The following PTPRG variants were observed in gnomAD, a reference collection of about 807,000 sequenced individuals.
PTPRG encodes receptor-type tyrosine-protein phosphatase gamma.
PTPRG carries 102 observed loss-of-function variants against 165.3 expected under a neutral mutation model. The observed-to-expected ratio is 0.62, with a 90% CI of 0.53 to 0.73. The LOEUF (loss-of-function observed/expected upper bound fraction) is 0.73. PTPRG is among the 30% of genes least tolerant of loss of function. The probability of loss-of-function intolerance (pLI) is 0.00; values close to 1 mark genes in which losing one functional copy is unlikely to be tolerated. For synonymous variants in PTPRG, 675 were observed against 669.5 expected (o/e 1.01, Z -0.13); for missense variants, 1,866 against 1,861.4 (o/e 1.00, Z -0.05).
chr3:61,834,348 G>C (rs565804316), intron 2 of PTPRG, among the ~76,000 whole-genome samples: 1 of 152,218 alleles, frequency 6.6e-6, no homozygotes, highest in East Asian at 1.9e-4. Context: ...TACCCTGGCA[G>C]GGGGTCAGTT....
chr3:61,892,646 T>A (rs1359008974), intron 2 of PTPRG, among the ~76,000 whole-genome samples: 2 of 152,036 alleles, frequency 1.3e-5, no homozygotes, highest in Non-Finnish European at 2.9e-5. Context: ...GAGAAACCCC[T>A]TCTTTACTAA....
intron 4 of PTPRG, among the ~76,000 whole-genome samples, chr3:62,027,811 G>T (rs1216245931): frequency 6.6e-6 from 1 of 152,150 alleles, no homozygotes; most frequent in Non-Finnish European, 1.5e-5. Context: ...CCCAGGAAAT[G>T]TGTGTGTTCG....
At chr3:61,687,676 T>G (rs750059056) in intron 1 of PTPRG, among the ~76,000 whole-genome samples, 22 of 152,266 alleles carry the variant, frequency 1.4e-4, no homozygotes, top group Non-Finnish European at 1.9e-4. Flanking sequence ...TTTGTGGCTT[T>G]GTTGATCATG....
intron 2 of PTPRG, among the ~76,000 whole-genome samples, chr3:61,772,097 T>C (rs2034227362): frequency 6.7e-6 from 1 of 149,404 alleles, no homozygotes; most frequent in Admixed American, 6.7e-5. Context: ...TGAATGAATA[T>C]TGTGATGATC....
At chr3:61,777,183 A>G (rs2034409928) in intron 2 of PTPRG, among the ~76,000 whole-genome samples, 1 of 152,224 alleles carries the variant, frequency 6.6e-6, no homozygotes, top group South Asian at 2.1e-4. Flanking sequence ...AGATCCATAC[A>G]AGTGCTGTCC....
At chr3:61,752,214 G>A (rs2033460798) in intron 2 of PTPRG, among the ~76,000 whole-genome samples, 1 of 152,126 alleles carries the variant, frequency 6.6e-6, no homozygotes, top group Non-Finnish European at 1.5e-5. Flanking sequence ...GTGCTTAGTT[G>A]GGATTTGGGC....
chr3:61,706,286 G>C (rs1360514320), intron 1 of PTPRG, among the ~76,000 whole-genome samples: 3 of 152,012 alleles, frequency 2.0e-5, no homozygotes, highest in Non-Finnish European at 4.4e-5. Flanking sequence ...AATGTGAGCT[G>C]CATCTGCAAC....
chr3:61,696,240 G>A lies in PTPRG; in HGVS notation c.86-52638G>A, dbSNP rs748967319. 4.6e-5 allele frequency among the ~76,000 whole-genome samples: 7 copies of A among 152,152 alleles called. No individual in the cohort carries two copies. The South Asian group carries it at 1.0e-3, about 23-fold the overall frequency. ...AGCCAGGCCGGGCGCGGTGACTCAC[G>A]CCTATAATCCTAGCACTGTGAGTGG... On this transcript the variant is annotated intron_variant, in intron 1 of 29. Transcript: ENST00000474889.
At chr3:61,788,167 C>T (rs577248475) in intron 2 of PTPRG, among the ~76,000 whole-genome samples, 2 of 152,182 alleles carry the variant, frequency 1.3e-5, no homozygotes, top group South Asian at 2.1e-4. Context: ...TCAGCATCAA[C>T]GTGTGCTGCA....
rs187636026 is a variant in PTPRG at position 62,078,797 on chromosome 3, A to G, written c.615+539A>G. ...AATATGATTGTGTTGATGAATGCTC[A>G]TAACTCAGTGTTGATTCTGCACCTA... On this transcript the variant is annotated intron_variant, in intron 5 of 29. Transcript: ENST00000474889. Among the ~76,000 whole-genome samples, 971 of 152,324 alleles carry G rather than the reference A, an allele frequency of 6.4e-3. 19 individuals carry two copies. The highest frequency in any genetic ancestry group is 4.2e-3 in the Non-Finnish European group (287 of 68,030).
At chr3:61,817,709 G>A (rs1334029606) in intron 2 of PTPRG, among the ~76,000 whole-genome samples, 1 of 152,176 alleles carries the variant, frequency 6.6e-6, no homozygotes, top group East Asian at 1.9e-4. Context: ...GCTGCATATT[G>A]CAGATGCCCA....
chr3:61,892,136 T>C (rs2038232523), intron 2 of PTPRG, among the ~76,000 whole-genome samples: 3 of 152,204 alleles, frequency 2.0e-5, no homozygotes, highest in Non-Finnish European at 2.9e-5. Flanking sequence ...TGGGAAAGTA[T>C]ATCTCAGAGA....
At chr3:61,658,232 G>A (rs757955983) in intron 1 of PTPRG, among the ~76,000 whole-genome samples, 1 of 152,210 alleles carries the variant, frequency 6.6e-6, no homozygotes, top group South Asian at 2.1e-4. Context: ...CCTGATGCAA[G>A]CAGGCACCCG....
chr3:62,001,372 A>G (rs1267006492), intron 3 of PTPRG, among the ~76,000 whole-genome samples: 4 of 152,216 alleles, frequency 2.6e-5, no homozygotes, highest in Non-Finnish European at 5.9e-5. Context: ...GTAAAATCAA[A>G]TATTTATAAG....
intron 4 of PTPRG, among the ~76,000 whole-genome samples, chr3:62,034,304 G>A (rs1304954679): frequency 6.6e-6 from 1 of 152,194 alleles, no homozygotes; most frequent in East Asian, 1.9e-4. Flanking sequence ...TGTTATTAAA[G>A]GGTCAACTGT....
chr3:61,659,356 G>A, intron 1 of PTPRG: 2 of 985,080 alleles, frequency 2.0e-6, no homozygotes, highest in Non-Finnish European at 2.4e-6. Context: ...CAATTTTCGG[G>A]AGCTCTTGAC....
intron 1 of PTPRG, among the ~76,000 whole-genome samples, chr3:61,565,709 T>C (rs1293924920): frequency 2.0e-5 from 3 of 150,116 alleles, no homozygotes; most frequent in Non-Finnish European, 4.4e-5. Flanking sequence ...GATGCTGCCA[T>C]TGGAAACAGT....
At chr3:62,194,853 C>T (rs1000172331) in intron 9 of PTPRG, among the ~76,000 whole-genome samples, 11 of 151,978 alleles carry the variant, frequency 7.2e-5, no homozygotes, top group African/African-American at 1.9e-4. Context: ...CTGAACATTT[C>T]GGTGTTGAAA....
In PTPRG at chr3:62,203,779, G is replaced by A. The variant is rs1338636038; in HGVS notation, c.1984G>A (p.Ala662Thr). The change falls in exon 12 of 30, where the codon GCC becomes ACC. Residue 662 changes from alanine to threonine, a missense_variant. Physicochemically the swap from Ala to Thr is moderately conservative, Grantham distance 58. Coordinates refer to ENST00000474889, the MANE Select transcript of PTPRG (RefSeq NM_002841.4). The surrounding 1 kb of genome is among the most constrained non-coding windows in gnomAD (Gnocchi z 6.4). ...AGACCAGACGGGCGGAAGGAGGGATGCCGGCCCAGGCCTGGACCCCGACAT... is the reference window on the plus strand; with the variant it reads ...AGACCAGACGGGCGGAAGGAGGGATACCGGCCCAGGCCTGGACCCCGACAT... Reference protein sequence around the residue: ...PTDQTGGRRDAGPGLDPDMVT... With the variant: ...PTDQTGGRRDTGPGLDPDMVT... 5 of 1,612,352 alleles carry A rather than the reference G, an allele frequency of 3.1e-6. No individual in the cohort carries two copies. Among genetic ancestry groups the A allele is most frequent in the Non-Finnish European group, 4.2e-6 (5 of 1,179,154 alleles).
Sources: gnomAD v4.1 joint callset for allele counts (sites outside exome capture counted in the v4.1 genomes callset) on GRCh38, gnomAD v4.1.1 for gene constraint, Gnocchi (gnomAD v3.1) non-coding constraint, MANE v1.5 for transcripts, NCBI Gene and HGNC (gene_info 2026-07-23, HGNC 2026-07-21) for gene names.